The following SCN2A variants were observed in gnomAD, a reference collection of about 807,000 sequenced individuals.
SCN2A encodes the protein sodium voltage-gated channel alpha subunit 2, also known as sodium channel protein type 2 subunit alpha.
A neutral mutation model predicts 188.7 loss-of-function variants in SCN2A; 20 were observed. The ratio of observed to expected loss-of-function variants is 0.11; its 90% CI spans 0.07 to 0.15. The LOEUF is 0.15. Among genes scored for constraint, SCN2A ranks in the 10% least tolerant of loss-of-function variants. The pLI is 1.00. For synonymous variants in SCN2A, 804 were observed against 833.1 expected, an observed-to-expected ratio of 0.97 and a Z score of 0.60; for missense variants, 1,278 against 2,445.0, an observed-to-expected ratio of 0.52 and a Z score of 10.07.
chr2:165,332,620 C>G (rs1210416610), intron 14 of SCN2A, among the ~76,000 whole-genome samples: 2 of 151,860 alleles, frequency 1.3e-5, no homozygotes, highest in Non-Finnish European at 2.9e-5. Context: ...ATCACAGACG[C>G]TTAGAGTAGG....
intron 11 of SCN2A, among the ~76,000 whole-genome samples, chr2:165,319,974 A>G (rs1252115532): frequency 6.6e-6 from 1 of 152,202 alleles, no homozygotes; most frequent in Non-Finnish European, 1.5e-5. Flanking sequence ...TCATTTCAGC[A>G]TTAATTCAAA....
Position 165,294,998 on chromosome 2 carries a change from A to G in SCN2A, c.-51-775A>G, listed in dbSNP as rs1696428818. 2.0e-5 allele frequency among the ~76,000 whole-genome samples: 3 copies of G among 152,172 alleles called. No individual in the cohort carries two copies. The South Asian group carries it at 6.2e-4, about 32-fold the overall frequency. The stretch of plus-strand genomic sequence containing the variant: ...CTATCTCTACAGTATTTCCTAAGGT[A>G]CTGCAAATGTGTTAATTTAAGAAGC... On this transcript the variant is annotated intron_variant, in intron 1 of 26. Transcript: ENST00000375437.
chr2:165,261,616 T>A (rs1044437780), intron 1 of SCN2A, among the ~76,000 whole-genome samples: 1 of 152,230 alleles, frequency 6.6e-6, no homozygotes, highest in South Asian at 2.1e-4. Flanking sequence ...ACCAATGAGT[T>A]GAGATCAATT....
intron 3 of SCN2A, among the ~76,000 whole-genome samples, chr2:165,305,158 G>A (rs1485001623): frequency 6.6e-6 from 1 of 152,122 alleles, no homozygotes; most frequent in Non-Finnish European, 1.5e-5. Flanking sequence ...ACGTTTAAGG[G>A]GAGACAGAAA....
At position 165,316,671 on chromosome 2, in the gene SCN2A, G is replaced by A. The variant is rs151075414; in HGVS notation, c.1671+913G>A. On this transcript the variant is annotated intron_variant, in intron 11 of 26. Transcript: ENST00000375437. ...GCAACCCTAGGTAAGTTCTAATTTAGTTAATATCCCCAATTTTTATATGTG... is the reference window on the plus strand; with the variant it reads ...GCAACCCTAGGTAAGTTCTAATTTAATTAATATCCCCAATTTTTATATGTG... Among the ~76,000 whole-genome samples the A allele has an allele frequency of 7.7e-3, 1,178 of 152,236 alleles. 22 individuals carry two copies. Among genetic ancestry groups the A allele is most frequent in the African/African-American group, 0.026 (1,088 of 41,546 alleles).
intron 3 of SCN2A, 137 bp from the exon 4 acceptor site, chr2:165,307,711 A>T: frequency 1.4e-6 from 1 of 699,650 alleles, no homozygotes; most frequent in Non-Finnish European, 2.6e-6. Context: ...ATGGCAAAAA[A>T]AAGGGTCAAT....
chr2:165,385,177 G>A (rs1350958203), intron 25 of SCN2A, among the ~76,000 whole-genome samples: 1 of 152,042 alleles, frequency 6.6e-6, no homozygotes, highest in African/African-American at 2.4e-5. Context: ...TAGAAAGAGG[G>A]CAGAACACTA....
At chr2:165,249,290 C>T (rs145539453) in intron 1 of SCN2A, among the ~76,000 whole-genome samples, 172 of 152,204 alleles carry the variant, frequency 1.1e-3, no homozygotes, top group African/African-American at 4.0e-3. Flanking sequence ...CCTGAGCTTT[C>T]GCTATGTAGG....
At position 165,291,035 on chromosome 2, in the gene SCN2A, C is replaced by CTTTT. The variant is rs55979694; in HGVS notation, c.-51-4717_-51-4714dup. Among the ~76,000 whole-genome samples the CTTTT allele has an allele frequency of 1.1e-3, 84 of 79,948 alleles. 1 individual carries two copies. Among genetic ancestry groups the CTTTT allele is most frequent in the Admixed American group, 1.5e-3 (8 of 5,292 alleles). 52.4% of individuals were successfully genotyped at this position (79,948 alleles called of 152,430 possible). A position where few individuals can be genotyped will look rare whatever the true frequency, so the allele number is the denominator to read the frequency against. On this transcript the variant is annotated intron_variant, in intron 1 of 26. Coordinates refer to ENST00000375437, the MANE Select transcript of SCN2A (RefSeq NM_001040142.2). ...GGTGTTTTTTTCTTTTCTTTTCTTT[C>CTTTT]TTTTTTTTTTTTTTTTTTTTTTTTG...
intron 3 of SCN2A, among the ~76,000 whole-genome samples, chr2:165,305,908 G>A (rs936501097): frequency 1.3e-5 from 2 of 152,188 alleles, no homozygotes; most frequent in African/African-American, 4.8e-5. Context: ...CAGGACAAGG[G>A]AGACGTAAGC....
chr2:165,291,502 T>TCTTTCTTTC (rs1696171948), intron 1 of SCN2A, among the ~76,000 whole-genome samples: 1 of 134,700 alleles, frequency 7.4e-6, no homozygotes, highest in Non-Finnish European at 1.6e-5. Context: ...TTTCTTTCTT[T>TCTTTCTTTC]CTTTCTTTCT....
chr2:165,365,439 G>T (rs1204589774), intron 18 of SCN2A, among the ~76,000 whole-genome samples, 176 bp downstream of exon 18: 20 of 147,538 alleles, frequency 1.4e-4, no homozygotes, highest in Non-Finnish European at 1.5e-4. Context: ...ACATTTATTT[G>T]TTTTTTTTTG....
At chr2:165,312,300 A>G (rs1447427588) in intron 8 of SCN2A, among the ~76,000 whole-genome samples, 1 of 152,162 alleles carries the variant, frequency 6.6e-6, no homozygotes, top group Non-Finnish European at 1.5e-5. Flanking sequence ...GCTAGGTCAC[A>G]TCTAATCTTC....
intron 25 of SCN2A, among the ~76,000 whole-genome samples, chr2:165,382,404 A>G (rs1206648170): frequency 2.6e-5 from 4 of 152,080 alleles, no homozygotes; most frequent in Non-Finnish European, 5.9e-5. Context: ...GCCATAGACA[A>G]GAAGATAAAC....
intron 1 of SCN2A, among the ~76,000 whole-genome samples, chr2:165,291,436 CTCTTTCTTTCTT>C (rs1220470911): frequency 2.6e-3 from 167 of 65,436 alleles, no homozygotes; most frequent in East Asian, 9.3e-3. Context: ...GTCTTTCTTT[CTCTTTCTTTCTT>C]TCTTTCTTTC....
intron 17 of SCN2A, among the ~76,000 whole-genome samples, chr2:165,361,850 A>G (rs1700475000): frequency 6.6e-6 from 1 of 152,024 alleles, no homozygotes; most frequent in African/African-American, 2.4e-5. Context: ...ATACACTCAC[A>G]TTAGGTCCGA....
intron 16 of SCN2A, 48 bp downstream of exon 16, chr2:165,344,959 T>A (rs1314523347): frequency 6.2e-7 from 1 of 1,609,854 alleles, no homozygotes; most frequent in East Asian, 2.2e-5. Flanking sequence ...GATAATGTAA[T>A]CATTAAAAAG....
intron 1 of SCN2A, among the ~76,000 whole-genome samples, chr2:165,259,125 TTAAG>T: frequency 6.6e-6 from 1 of 152,362 alleles, no homozygotes; most frequent in East Asian, 1.9e-4. Context: ...CTATAGTTTA[TTAAG>T]TATGTAATAG....
chr2:165,344,959 T>C, intron 16 of SCN2A, 48 bp downstream of exon 16: 2 of 1,609,854 alleles, frequency 1.2e-6, no homozygotes, highest in South Asian at 2.2e-5. Context: ...GATAATGTAA[T>C]CATTAAAAAG....
Sources: gnomAD v4.1 joint callset for allele counts (sites outside exome capture counted in the v4.1 genomes callset) on GRCh38, gnomAD v4.1.1 for gene constraint, MANE v1.5 for transcripts, NCBI Gene and HGNC (gene_info 2026-07-23, HGNC 2026-07-21) for gene names.